The following GALNT18 variants were observed in gnomAD, a reference collection of about 807,000 sequenced individuals.
GALNT18 encodes polypeptide N-acetylgalactosaminyltransferase 18.
Under a neutral mutation model 69.5 loss-of-function variants are expected in GALNT18, and 44 were observed. That is an observed-to-expected ratio of 0.63 (90% confidence interval 0.50 to 0.81). GALNT18 has a LOEUF of 0.81. GALNT18 is among the 40% of genes least tolerant of loss of function. The probability of loss-of-function intolerance (pLI) is 0.00; values close to 1 mark genes in which losing one functional copy is unlikely to be tolerated. For missense variants in GALNT18, 715 were observed against 810.0 expected, an observed-to-expected ratio of 0.88 and a Z score of 1.42; for synonymous variants, 364 against 318.2, an observed-to-expected ratio of 1.14 and a Z score of -1.53.
At chr11:11,333,219 A>G (rs1850050479) in intron 7 of GALNT18, among the ~76,000 whole-genome samples, 2 of 152,154 alleles carry the variant, frequency 1.3e-5, no homozygotes, top group African/African-American at 4.8e-5. Flanking sequence ...AGAGGGGGGA[A>G]GGAAAAAGCA....
At chr11:11,483,434 C>A (rs35588549) in intron 1 of GALNT18, among the ~76,000 whole-genome samples, 1 of 152,196 alleles carries the variant, frequency 6.6e-6, no homozygotes, top group African/African-American at 2.4e-5. Flanking sequence ...ATACAACCAA[C>A]TGCTGCCACA....
intron 10 of GALNT18, among the ~76,000 whole-genome samples, chr11:11,292,579 T>C (rs1286557595): frequency 6.6e-6 from 1 of 152,068 alleles, no homozygotes; most frequent in African/African-American, 2.4e-5. Context: ...CCCAGCACTG[T>C]CTACATCTGG....
chr11:11,354,341 A>G (rs7925152), intron 6 of GALNT18, among the ~76,000 whole-genome samples: 76,591 of 152,010 alleles, frequency 0.5, 20,163 homozygotes, highest in Non-Finnish European at 0.56. Context: ...TTAGAAGCAC[A>G]GTAAGATATG....
intron 1 of GALNT18, among the ~76,000 whole-genome samples, chr11:11,530,308 A>G (rs1590076024): frequency 6.6e-6 from 1 of 152,286 alleles, no homozygotes; most frequent in South Asian, 2.1e-4. Context: ...TGTCCACAGC[A>G]AACAGGAAGG....
At chr11:11,284,387 A>T (rs1008435678) in intron 10 of GALNT18, among the ~76,000 whole-genome samples, 1 of 152,110 alleles carries the variant, frequency 6.6e-6, no homozygotes, top group Admixed American at 6.5e-5. Context: ...ACTAGGTCTG[A>T]GATAAGGCCT....
intron 1 of GALNT18, among the ~76,000 whole-genome samples, chr11:11,512,953 T>C (rs1857193484): frequency 6.6e-6 from 1 of 152,228 alleles, no homozygotes; most frequent in South Asian, 2.1e-4. Flanking sequence ...CGTGTGCATC[T>C]GTGTACTTAC....
Sources: allele counts gnomAD v4.1 joint callset (sites outside exome capture counted in the v4.1 genomes callset), GRCh38; gene constraint gnomAD v4.1.1; transcripts MANE v1.5; gene names NCBI Gene and HGNC (gene_info 2026-07-23, HGNC 2026-07-21).